RMDN2: variants seen among roughly 807,000 people sequenced by gnomAD.
RMDN2 encodes regulator of microtubule dynamics protein 2.
In RMDN2, 61 loss-of-function variants were observed where a neutral mutation model predicts 52.8. That is an observed-to-expected ratio of 1.16 (90% CI 0.94 to 1.43). The LOEUF is 1.43. Among genes scored for constraint, RMDN2 ranks in the 40% most tolerant of loss-of-function variants. The pLI, the probability that RMDN2 is intolerant of heterozygous loss-of-function variation, is 0.00. For synonymous variants in RMDN2, 180 were observed against 153.1 expected (o/e 1.18, Z -1.30); for missense variants, 592 against 475.3 (o/e 1.25, Z -2.28).
chr2:38,005,666 G>T (rs1207506199), intron 10 of RMDN2, among the ~76,000 whole-genome samples: 1 of 152,174 alleles, frequency 6.6e-6, no homozygotes, highest in South Asian at 2.1e-4. Context: ...GGTTCACTCT[G>T]TTGGTAGGTT....
chr2:38,017,991 C>T (rs1490402675), downstream of RMDN2, among the ~76,000 whole-genome samples: 2 of 151,988 alleles, frequency 1.3e-5, no homozygotes, highest in African/African-American at 4.8e-5. Context: ...CAGGATGAGC[C>T]CGGAGAAGGA....
At chr2:38,014,221 A>G (rs1213594396) in intron 10 of RMDN2, among the ~76,000 whole-genome samples, 1 of 152,194 alleles carries the variant, frequency 6.6e-6, no homozygotes, top group Non-Finnish European at 1.5e-5. Context: ...GCAAAAAAAA[A>G]ATTAATAAGG....
At chr2:37,980,177 G>A (rs941749982) in intron 4 of RMDN2, among the ~76,000 whole-genome samples, 5 of 152,056 alleles carry the variant, frequency 3.3e-5, no homozygotes, top group Non-Finnish European at 7.4e-5. Context: ...AATGGATCAG[G>A]GAGAAAAGAA....
chr2:37,932,053 TTTA>T (rs1385080556), intron 2 of RMDN2, among the ~76,000 whole-genome samples: 6 of 152,020 alleles, frequency 3.9e-5, no homozygotes, highest in Admixed American at 3.3e-4. Context: ...AATTTATTTA[TTTA>T]TTTATTTTAT....
chr2:37,987,390 A>T (rs1430570478), intron 5 of RMDN2, among the ~76,000 whole-genome samples: 3 of 152,194 alleles, frequency 2.0e-5, no homozygotes, highest in Non-Finnish European at 4.4e-5. Flanking sequence ...CCATGAAAAG[A>T]TGTGGAGGAA....
In RMDN2 at chr2:37,929,705, C is replaced by T. The variant is rs769643888; in HGVS notation, c.428C>T (p.Ser143Leu). ...TIQSSATSNS[S>L]EEAESEGGYI... is the part of the protein sequence containing the mutation. Reference sequence around the variant, plus strand: ...CAAAGTTCAGCAACAAGTAATAGTTCAGAGGAAGCAGAAAGTGAAGGAGGG... The same window carrying T: ...CAAAGTTCAGCAACAAGTAATAGTTTAGAGGAAGCAGAAAGTGAAGGAGGG... The change falls in exon 2 of 11, where the codon TCA becomes TTA. Residue 143 changes from serine (S) to leucine (L), a missense_variant. Transcript: ENST00000354545. 1 of 1,512,750 alleles carries T rather than the reference C, an allele frequency of 6.6e-7. No homozygotes were observed. Among genetic ancestry groups the T allele is most frequent in the African/African-American group, 1.4e-5 (1 of 70,694 alleles). The allele number at this position is 1,512,750 out of a possible 1,614,324, so 93.7% of individuals were successfully genotyped here.
intron 2 of RMDN2, among the ~76,000 whole-genome samples, chr2:37,969,499 A>T (rs1288838702): frequency 1.3e-5 from 2 of 151,414 alleles, no homozygotes; most frequent in East Asian, 1.9e-4. Flanking sequence ...TTATAAAATT[A>T]TATTTTCTTG....
At chr2:37,949,651 C>G (rs905790744) in intron 2 of RMDN2, among the ~76,000 whole-genome samples, 8 of 152,048 alleles carry the variant, frequency 5.3e-5, no homozygotes, top group Non-Finnish European at 1.2e-4. Context: ...CTTTGGGTCT[C>G]TTAAAAGGAA....
At chr2:37,971,110 G>A (rs1288109501) in intron 2 of RMDN2, among the ~76,000 whole-genome samples, 2 of 151,782 alleles carry the variant, frequency 1.3e-5, no homozygotes, top group East Asian at 1.9e-4. Context: ...ATGATGTCAT[G>A]TCTAAGAAAC....
At chr2:37,979,273 G>A (rs1672987610) in intron 4 of RMDN2, among the ~76,000 whole-genome samples, 1 of 152,036 alleles carries the variant, frequency 6.6e-6, no homozygotes, top group South Asian at 2.1e-4. Context: ...ATAAGATGAA[G>A]GCTGCACAAC....
At chr2:37,980,794 C>T (rs1273446529) in intron 4 of RMDN2, among the ~76,000 whole-genome samples, 1 of 146,618 alleles carries the variant, frequency 6.8e-6, no homozygotes, top group Non-Finnish European at 1.5e-5. Context: ...TCACCTTGGT[C>T]TTTTTTTTTT....
At chr2:38,064,412 C>G (rs1433382763) in intron 10 of RMDN2, among the ~76,000 whole-genome samples, 1 of 149,662 alleles carries the variant, frequency 6.7e-6, no homozygotes, top group Admixed American at 6.7e-5. Context: ...ATCACTTGAA[C>G]CTGGGAGGCG....
chr2:37,924,465 A>C (rs954671838), upstream of RMDN2, among the ~76,000 whole-genome samples: 2 of 152,192 alleles, frequency 1.3e-5, no homozygotes, highest in Admixed American at 1.3e-4. Context: ...TCCGGGTTCA[A>C]ACGATTCTCC....
intron 2 of RMDN2, among the ~76,000 whole-genome samples, chr2:37,939,485 G>A (rs765206933): frequency 6.6e-6 from 1 of 152,172 alleles, no homozygotes; most frequent in Non-Finnish European, 1.5e-5. Flanking sequence ...AATATTGACA[G>A]TGGGGTGTTA....
intron 2 of RMDN2, among the ~76,000 whole-genome samples, chr2:37,930,906 A>G (rs1666681247): frequency 1.3e-5 from 2 of 152,206 alleles, no homozygotes; most frequent in South Asian, 4.1e-4. Context: ...AAAGGGGCAC[A>G]GTGGGCAGGC....
At chr2:37,991,094 A>G (rs1674727654) in intron 6 of RMDN2, 126 bp from the exon 7 acceptor site, 4 of 433,064 alleles carry the variant, frequency 9.2e-6, no homozygotes, top group South Asian at 1.5e-4. Context: ...CATTGTATTA[A>G]TGATAGGGAT....
At chr2:37,931,170 T>C (rs1666708959) in intron 2 of RMDN2, among the ~76,000 whole-genome samples, 1 of 152,236 alleles carries the variant, frequency 6.6e-6, no homozygotes, top group African/African-American at 2.4e-5. Flanking sequence ...GAGCTATCAT[T>C]TGTGGCTCTG....
intron 10 of RMDN2, among the ~76,000 whole-genome samples, chr2:38,034,590 A>G (rs1209243538): frequency 2.6e-5 from 4 of 151,990 alleles, no homozygotes; most frequent in Non-Finnish European, 5.9e-5. Context: ...ATTAAATTGT[A>G]TTGTGGTAAA....
At chr2:37,943,835 TC>T (rs1262875309) in intron 2 of RMDN2, among the ~76,000 whole-genome samples, 1 of 152,226 alleles carries the variant, frequency 6.6e-6, no homozygotes, top group East Asian at 1.9e-4. Flanking sequence ...GGCTTTTTTT[TC>T]ACCCTGACTT....
Sources: gnomAD v4.1 joint callset for allele counts (sites outside exome capture counted in the v4.1 genomes callset) on GRCh38, gnomAD v4.1.1 for gene constraint, MANE v1.5 for transcripts, NCBI Gene and HGNC (gene_info 2026-07-23, HGNC 2026-07-21) for gene names.